The following PIGB variants were observed in gnomAD, a reference collection of about 807,000 sequenced individuals.
PIGB encodes GPI alpha-1,2-mannosyltransferase 3.
PIGB carries 58 observed loss-of-function variants against 68.4 expected under a neutral mutation model. That is an observed-to-expected ratio of 0.85 (90% CI 0.69 to 1.06). The LOEUF (loss-of-function observed/expected upper bound fraction) is 1.06, where lower values mean the gene tolerates loss of function less well. Ranked by LOEUF, PIGB falls within the 50% of genes least tolerant of loss-of-function variation. PIGB has a pLI of 0.00. For missense variants in PIGB, 634 were observed against 655.8 expected, an observed-to-expected ratio of 0.97 and a Z score of 0.36; for synonymous variants, 219 against 220.5, an observed-to-expected ratio of 0.99 and a Z score of 0.06.
chr15:55,352,446 T>C (rs2055945745), intron 10 of PIGB, among the ~76,000 whole-genome samples: 1 of 152,234 alleles, frequency 6.6e-6, no homozygotes, highest in Non-Finnish European at 1.5e-5. Context: ...TAGTTACTAA[T>C]TACCCAGTAA....
chr15:55,354,730 A>G, intron 10 of PIGB, 68 bp from the exon 11 acceptor site: 1 of 1,228,648 alleles, frequency 8.1e-7, no homozygotes, highest in East Asian at 2.5e-5. Context: ...TATAAATGAC[A>G]TATCTTAAGA....
intron 9 of PIGB, chr15:55,343,022 T>C (rs745576884): frequency 6.6e-6 from 1 of 152,118 alleles, no homozygotes; most frequent in Admixed American, 6.6e-5. Context: ...TTCAAACTTA[T>C]TTTTTACTTA....
chr15:55,333,838 T>C (rs1310882075), intron 5 of PIGB, 29 bp from the exon 6 acceptor site: 3 of 1,501,084 alleles, frequency 2.0e-6, no homozygotes, highest in African/African-American at 1.4e-5. Context: ...AATTTCCCAC[T>C]TGTCTTATCA....
chr15:55,340,667 C>T lies in PIGB; in HGVS notation c.902C>T (p.Thr301Ile), dbSNP rs374803936. The T allele has an allele frequency of 8.1e-5, 131 of 1,612,786 alleles. No individual in the cohort carries two copies. The highest frequency in any genetic ancestry group is 2.0e-4 in the Admixed American group (12 of 59,906). ...TTTAACGTGCTGCAGAACTGGGGAA[C>T]ATTTTATGGTTCTCATCCATGGCAC... is the stretch of plus-strand genomic sequence containing the variant. ...LKFNVLQNWG[T>I]FYGSHPWHWY... The change falls in exon 8 of 12, where the codon ACA (threonine) becomes ATA (isoleucine). Residue 301 changes from threonine (T) to isoleucine (I), a missense_variant. By Grantham distance (89) the Thr-to-Ile change is moderately conservative (BLOSUM62 -1). Transcript: ENST00000164305.
At chr15:55,324,033 G>GGGCA (rs1566947180) in intron 3 of PIGB, among the ~76,000 whole-genome samples, 3 of 151,906 alleles carry the variant, frequency 2.0e-5, no homozygotes, top group African/African-American at 7.3e-5. Flanking sequence ...GATTACAGGT[G>GGGCA]TCTGCCACCA....
chr15:55,329,838 T>C lies in PIGB; in HGVS notation c.637T>C (p.Ser213Pro), dbSNP rs1339580013. The change falls in exon 5 of 12, where the codon TCA becomes CCA. Residue 213 changes from serine (S) to proline (P), a missense_variant. Coordinates refer to ENST00000164305, the MANE Select transcript of PIGB (RefSeq NM_004855.5). ...TCTTTTCTACTATCCTTTGGAAGGTTCAAAGTCTATGAACAGGTAAGAAAA... is the reference window on the plus strand; with the variant it reads ...TCTTTTCTACTATCCTTTGGAAGGTCCAAAGTCTATGAACAGGTAAGAAAA... ...IALFYYPLEG[S>P]KSMNSVKYSS... 1.9e-6 allele frequency: 3 copies of C among 1,590,846 alleles called. No individual in the cohort carries two copies. In the Middle Eastern group the frequency reaches 5.0e-4, roughly 265 times the overall value.
intron 6 of PIGB, among the ~76,000 whole-genome samples, chr15:55,338,847 G>A (rs912589182): frequency 2.0e-5 from 3 of 152,094 alleles, no homozygotes; most frequent in African/African-American, 7.2e-5. Context: ...CTCTCCACCT[G>A]TAATTGAACC....
At chr15:55,334,784 T>C (rs949149913) in intron 6 of PIGB, among the ~76,000 whole-genome samples, 2 of 152,192 alleles carry the variant, frequency 1.3e-5, no homozygotes, top group Non-Finnish European at 1.5e-5. Context: ...CAGTGGTGCA[T>C]TCTCACTTCA....
chr15:55,340,523 T>C, intron 7 of PIGB, 89 bp from the exon 8 acceptor site: 1 of 766,490 alleles, frequency 1.3e-6, no homozygotes, highest in South Asian at 2.0e-5. Flanking sequence ...AATTCTGATT[T>C]AATGTCAAAA....
At chr15:55,355,084 C>T (rs2056045086) in intron 11 of PIGB, 106 bp downstream of exon 11, 1 of 1,021,748 alleles carries the variant, frequency 9.8e-7, no homozygotes, top group Non-Finnish European at 1.4e-6. Context: ...TCTGTTTCAA[C>T]CCACATTTCA....
chr15:55,350,654 A>G (rs1361596295), intron 9 of PIGB, 45 bp from the exon 10 acceptor site: 1 of 1,219,268 alleles, frequency 8.2e-7, no homozygotes, highest in African/African-American at 1.5e-5. Context: ...TTAACATAAC[A>G]AAAGATTGTC....
intron 3 of PIGB, among the ~76,000 whole-genome samples, chr15:55,327,209 T>G (rs1324617561): frequency 7.7e-6 from 1 of 130,204 alleles, no homozygotes; most frequent in Admixed American, 7.8e-5. Flanking sequence ...AAATATCATA[T>G]TTATATATAA....
Position 55,340,717 on chromosome 15 carries a change from G to A in PIGB, c.952G>A (p.Val318Ile). 1 of 1,611,372 alleles carries A rather than the reference G, an allele frequency of 6.2e-7. No individual in the cohort carries two copies. The highest frequency in any genetic ancestry group is 8.5e-7 in the Non-Finnish European group (1 of 1,178,454). Reference sequence around the variant, plus strand: ...CTGGTACTTCAGTCAAGGATTTCCAGTTATCTTGGGTACTCACTTACCCTT... The same window carrying A: ...CTGGTACTTCAGTCAAGGATTTCCAATTATCTTGGGTACTCACTTACCCTT... ...WHWYFSQGFP[V>I]ILGTHLPFFI... Residue 318 changes from valine (V) to isoleucine (I), a missense_variant, in exon 8 of 12, where the codon GTT becomes ATT. Physicochemically the swap from Val to Ile is conservative, Grantham distance 29 (BLOSUM62 3). Transcript: ENST00000164305.
In PIGB at chr15:55,350,784, T is replaced by C. The variant is rs2055904126; in HGVS notation, c.1209T>C (p.Thr403=). The part of the protein sequence containing the change: ...FLSNLFLALY[T]GLVHQRGTLD... ...CAAATTTGTTCCTCGCCCTTTATAC[T>C]GGTTTAGTTCATCAACGAGGTACTC... Residue 403 remains threonine (T), a synonymous_variant, in exon 10 of 12, where the codon ACT becomes ACC. Transcript: ENST00000164305. The C allele has an allele frequency of 6.2e-7, 1 of 1,612,908 alleles. No homozygotes were observed. The highest frequency in any genetic ancestry group is 8.5e-7 in the Non-Finnish European group (1 of 1,179,106).
chr15:55,328,732 C>CTT (rs2055345627), intron 4 of PIGB, among the ~76,000 whole-genome samples: 1 of 152,182 alleles, frequency 6.6e-6, no homozygotes, highest in East Asian at 1.9e-4. Flanking sequence ...CTTTGGGAGG[C>CTT]TGAGGTGGGC....
chr15:55,355,452 C>CA lies in PIGB; in HGVS notation c.*21dup. The CA allele has an allele frequency of 1.9e-6, 3 of 1,587,840 alleles. No individual in the cohort carries two copies. The highest frequency in any genetic ancestry group is 2.6e-6 in the Non-Finnish European group (3 of 1,163,316). Reference sequence around the variant, plus strand: ...TTCTGAACTTTCCTAGATAAATTAACATTGCTGGGTGGAAATATTCAGATG... The same window carrying CA: ...TTCTGAACTTTCCTAGATAAATTAACAATTGCTGGGTGGAAATATTCAGATG... On this transcript the variant is annotated 3_prime_UTR_variant, in exon 12 of 12. Transcript: ENST00000164305.
At chr15:55,326,783 G>A (rs1177557787) in intron 3 of PIGB, among the ~76,000 whole-genome samples, 1 of 152,200 alleles carries the variant, frequency 6.6e-6, no homozygotes, top group Non-Finnish European at 1.5e-5. Context: ...CTTGCAGTGA[G>A]CCGCGGTTGC....
At chr15:55,349,051 T>G (rs1402735585) in intron 9 of PIGB, among the ~76,000 whole-genome samples, 1 of 148,146 alleles carries the variant, frequency 6.8e-6, no homozygotes. Flanking sequence ...CCCGGCTAAT[T>G]TTTATATTTT....
chr15:55,321,788 G>C (rs1300046055), intron 3 of PIGB, among the ~76,000 whole-genome samples: 1 of 149,362 alleles, frequency 6.7e-6, no homozygotes, highest in Non-Finnish European at 1.5e-5. Context: ...GAGTAGCTGG[G>C]ATAACAGGCA....
Sources: allele counts gnomAD v4.1 joint callset (sites outside exome capture counted in the v4.1 genomes callset), GRCh38; gene constraint gnomAD v4.1.1; transcripts MANE v1.5; gene names NCBI Gene and HGNC (gene_info 2026-07-23, HGNC 2026-07-21).